The following AP2A1 variants were observed in gnomAD, a reference collection of about 807,000 sequenced individuals.
The protein encoded by AP2A1 is adaptor related protein complex 2 subunit alpha 1.
AP2A1 carries 21 observed loss-of-function variants against 107.3 expected under a neutral mutation model. The ratio of observed to expected loss-of-function variants is 0.20; its 90% CI spans 0.14 to 0.28. AP2A1 has a LOEUF of 0.28. Ranked by LOEUF, AP2A1 falls within the 10% of genes least tolerant of loss-of-function variation. The pLI is 1.00. For synonymous variants in AP2A1, 602 were observed against 564.8 expected (o/e 1.07, Z -0.93); for missense variants, 873 against 1,307.7 (o/e 0.67, Z 5.13).
intron 4 of AP2A1, among the ~76,000 whole-genome samples, chr19:49,783,787 G>C (rs2084705901): frequency 6.6e-6 from 1 of 152,182 alleles, no homozygotes; most frequent in African/African-American, 2.4e-5. Flanking sequence ...GTTCTCGAAG[G>C]CTGTACTTCA....
At chr19:49,803,629 T>C (rs1202233036) in intron 18 of AP2A1, 2 of 523,370 alleles carry the variant, frequency 3.8e-6, no homozygotes, top group Non-Finnish European at 6.9e-6. Context: ...ATTTTGTCCC[T>C]GTCTGGCACC....
chr19:49,799,412 G>A lies in AP2A1; in HGVS notation c.1051G>A (p.Glu351Lys). ...GACCAACCTGCGCTACCTGGCCCTG[G>A]AGAGCATGTGCACGCTGGCCAGCTC... is the stretch of plus-strand genomic sequence containing the variant. ...RETNLRYLAL[E>K]SMCTLASSEF... The change falls in exon 9 of 23, where the codon GAG (glutamate) becomes AAG (lysine). Residue 351 changes from glutamate to lysine, a missense_variant. Around this residue, in one of 4 missense-constraint regions of AP2A1, gnomAD observed 213 missense variants for 443.5 expected, o/e 0.48. Transcript: ENST00000354293. 1 of 1,612,392 alleles carries A rather than the reference G, an allele frequency of 6.2e-7. No homozygotes were observed. The highest frequency in any genetic ancestry group is 8.5e-7 in the Non-Finnish European group (1 of 1,179,504).
At chr19:49,782,796 A>C in intron 4 of AP2A1, 72 bp downstream of exon 4, 1 of 1,470,020 alleles carries the variant, frequency 6.8e-7, no homozygotes, top group Non-Finnish European at 9.1e-7. Context: ...TGAGGCTCAG[A>C]GAGGCTCTGT....
intron 1 of AP2A1, among the ~76,000 whole-genome samples, chr19:49,767,608 G>A (rs913013050): frequency 6.6e-6 from 1 of 152,122 alleles, no homozygotes; most frequent in Non-Finnish European, 1.5e-5. Flanking sequence ...AATGGGAAGA[G>A]GCCAGAGGGG....
Position 49,798,887 on chromosome 19 carries a change from G to A in AP2A1, c.900G>A (p.Val300=), listed in dbSNP as rs2073243030. 1.3e-6 allele frequency: 2 copies of A among 1,581,702 alleles called. No homozygotes were observed. The highest frequency in any genetic ancestry group is 1.7e-6 in the Non-Finnish European group (2 of 1,164,024). ...AGGAGCCCCCCAAATCCAAGAAGGT[G>A]CAGCATTCCAACGCCAAGAACGCCA... is the stretch of plus-strand genomic sequence containing the variant. The part of the protein sequence containing the change: ...KAQEPPKSKK[V]QHSNAKNAIL... Residue 300 remains valine (V), a synonymous_variant, in exon 8 of 23, where the codon GTG becomes GTA. Transcript: ENST00000354293.
rs1459411553 is a variant in AP2A1, at chr19:49,793,866, AAC to A, written c.705+779_705+780del. On this transcript the variant is annotated intron_variant, in intron 6 of 22. Transcript: ENST00000354293. Reference sequence around the variant, plus strand: ...GCCTGGATTCGCAGGCAAAGAGAAGAACACACCAGCTCGTGCATCCACTCATT... The same window carrying A: ...GCCTGGATTCGCAGGCAAAGAGAAGAACACCAGCTCGTGCATCCACTCATT... Among the ~76,000 whole-genome samples the A allele has an allele frequency of 2.0e-5, 3 of 151,122 alleles. No individual in the cohort carries two copies. In the East Asian group the frequency reaches 5.8e-4, roughly 29 times the overall value.
Position 49,767,173 on chromosome 19 carries a change from G to A in AP2A1, c.40G>A (p.Ala14Thr). The change falls in exon 1 of 23, where the codon GCG becomes ACG. Residue 14 changes from alanine (A) to threonine (T), a missense_variant. Ala to Thr is a moderately conservative substitution (Grantham distance 58). Around this residue, in one of 4 missense-constraint regions of AP2A1, gnomAD observed 87 missense variants for 178.2 expected, o/e 0.49. Transcript: ENST00000354293. The part of the protein sequence containing the change: ...VSKGDGMRGL[A>T]VFISDIRNCK... ...CAAGGGCGATGGGATGCGGGGGCTC[G>A]CGGTGTTCATCTCCGACATCCGGAA... 1 of 1,611,996 alleles carries A rather than the reference G, an allele frequency of 6.2e-7. No homozygotes were observed. Among genetic ancestry groups the A allele is most frequent in the Non-Finnish European group, 8.5e-7 (1 of 1,179,762 alleles).
Position 49,806,741 on chromosome 19 carries a change from C to T in AP2A1, c.2851C>T (p.Leu951=). Residue 951 remains leucine, a synonymous_variant, in exon 23 of 23, where the codon CTG becomes TTG. Coordinates refer to ENST00000354293, the MANE Select transcript of AP2A1 (RefSeq NM_130787.3). ...CGTCTCCCGTCACCTGTGTGAGCTGCTGGCACAGCAGTTCTGAGCCCTGGA... is the reference window on the plus strand; with the variant it reads ...CGTCTCCCGTCACCTGTGTGAGCTGTTGGCACAGCAGTTCTGAGCCCTGGA... The part of the protein sequence containing the change: ...EPVSRHLCEL[L]AQQF 6.2e-7 allele frequency: 1 copy of T among 1,613,738 alleles called. No homozygotes were observed. The highest frequency in any genetic ancestry group is 8.5e-7 in the Non-Finnish European group (1 of 1,179,874).
chr19:49,771,303 TA>T (rs902347385), intron 1 of AP2A1, among the ~76,000 whole-genome samples: 2,205 of 98,032 alleles, frequency 0.022, 32 homozygotes, highest in African/African-American at 0.065. Flanking sequence ...CCTCATCTCT[TA>T]AAAAAAAAAA....
chr19:49,799,363 G>A lies in AP2A1; in HGVS notation c.1002G>A (p.Leu334=), dbSNP rs1014588100. 70 of 1,611,890 alleles carry A rather than the reference G, an allele frequency of 4.3e-5. No individual in the cohort carries two copies. The highest frequency in any genetic ancestry group is 5.9e-5 in the Non-Finnish European group (70 of 1,179,576). Reference sequence around the variant, plus strand: ...TCCTGGTTCGGGCCTGCAACCAGCTGGGCCAGTTCCTGCAGCACCGGGAGA... The same window carrying A: ...TCCTGGTTCGGGCCTGCAACCAGCTAGGCCAGTTCCTGCAGCACCGGGAGA... ...PNLLVRACNQ[L]GQFLQHRETN... Residue 334 remains leucine, a synonymous_variant, in exon 9 of 23, where the codon CTG becomes CTA. Transcript: ENST00000354293.
At chr19:49,780,022 C>A (rs1568575839) in intron 1 of AP2A1, among the ~76,000 whole-genome samples, 1 of 152,244 alleles carries the variant, frequency 6.6e-6, no homozygotes, top group South Asian at 2.1e-4. Flanking sequence ...GGCACATATA[C>A]TTGCTTTCTC....
chr19:49,805,605 C>A, intron 19 of AP2A1, 29 bp downstream of exon 19: 1 of 1,556,762 alleles, frequency 6.4e-7, no homozygotes, highest in Non-Finnish European at 8.7e-7. Context: ...GGCCGGTGGG[C>A]GGAGCCTCCG....
At chr19:49,789,047 C>T (rs142768536) in intron 4 of AP2A1, among the ~76,000 whole-genome samples, 1 of 152,302 alleles carries the variant, frequency 6.6e-6, no homozygotes, top group East Asian at 1.9e-4. Flanking sequence ...AGGCGTCAGT[C>T]GGGCGAGTAT....
chr19:49,771,565 T>C (rs1003103451), intron 1 of AP2A1, among the ~76,000 whole-genome samples: 2 of 151,832 alleles, frequency 1.3e-5, no homozygotes, highest in African/African-American at 4.8e-5. Flanking sequence ...CCCGCCACTA[T>C]GCCCCGCTGA....
In AP2A1 at chr19:49,802,774, A is replaced by G. The variant is rs534469115; in HGVS notation, c.2115-175A>G. 2.8e-4 allele frequency: 280 copies of G among 1,009,750 alleles called. No homozygotes were observed. In the African/African-American group the frequency reaches 3.1e-3, roughly 11 times the overall value. The allele number at this position is 1,009,750 out of a possible 1,614,324, so 62.5% of individuals were successfully genotyped here. On this transcript the variant is annotated intron_variant, in intron 15 of 22. Coordinates refer to ENST00000354293, the MANE Select transcript of AP2A1 (RefSeq NM_130787.3). ...ATGCGGGGGCACGGGCCAGGGTTCT[A>G]TTCCCATTGGAGGCCACTGCTGGAT...
At chr19:49,796,139 T>G in intron 7 of AP2A1, 1 of 208,452 alleles carries the variant, frequency 4.8e-6, no homozygotes, top group Non-Finnish European at 9.8e-6. Flanking sequence ...CTGTCAGGGG[T>G]TTTCACATCT....
intron 7 of AP2A1, chr19:49,796,527 AG>A (rs2073215854): frequency 6.6e-6 from 1 of 152,342 alleles, no homozygotes; most frequent in Non-Finnish European, 1.5e-5. Flanking sequence ...AGCACCTGCC[AG>A]GGGCCAGGGC....
Position 49,806,948 on chromosome 19 carries a change from A to C in AP2A1, c.*190A>C, listed in dbSNP as rs1374362689. The C allele has an allele frequency of 6.5e-7, 1 of 1,533,728 alleles. No individual in the cohort carries two copies. The highest frequency in any genetic ancestry group is 2.0e-5 in the Admixed American group (1 of 50,910). Reference sequence around the variant, plus strand: ...GCTGCTGTTTACATTCTGGGGGGTTAGGGGGAGTCCCCCTCCCTCCCTTTC... The same window carrying C: ...GCTGCTGTTTACATTCTGGGGGGTTCGGGGGAGTCCCCCTCCCTCCCTTTC... On this transcript the variant is annotated 3_prime_UTR_variant, in exon 23 of 23. Coordinates refer to ENST00000354293, the MANE Select transcript of AP2A1 (RefSeq NM_130787.3).
chr19:49,794,392 C>T (rs1264669082), intron 6 of AP2A1, among the ~76,000 whole-genome samples: 5 of 151,610 alleles, frequency 3.3e-5, no homozygotes, highest in Admixed American at 6.6e-5. Context: ...TTGTAGAGAT[C>T]GGTCTTGCTT....
Sources: allele counts gnomAD v4.1 joint callset (sites outside exome capture counted in the v4.1 genomes callset), GRCh38; gene constraint gnomAD v4.1.1; regional missense constraint gnomAD v4.1.1; transcripts MANE v1.5; gene names NCBI Gene and HGNC (gene_info 2026-07-23, HGNC 2026-07-21).